COLEC12: variants seen among roughly 807,000 people sequenced by gnomAD.
COLEC12 encodes the protein collectin-12.
COLEC12 carries 33 observed loss-of-function variants against 71.1 expected under a neutral mutation model. The observed-to-expected ratio is 0.46, with a 90% confidence interval of 0.35 to 0.62. COLEC12 has a LOEUF of 0.62. COLEC12 is among the 20% of genes least tolerant of loss of function. The pLI is 0.00. For synonymous variants in COLEC12, 350 were observed against 353.0 expected (o/e 0.99, Z 0.10); for missense variants, 765 against 916.1 (o/e 0.84, Z 2.13).
intron 2 of COLEC12, among the ~76,000 whole-genome samples, chr18:431,498 C>G (rs996702911): frequency 6.6e-6 from 1 of 152,164 alleles, no homozygotes; most frequent in African/African-American, 2.4e-5. Context: ...GAATGAATAA[C>G]CTATAGACTG....
At chr18:403,666 G>T (rs1915731147) in intron 2 of COLEC12, among the ~76,000 whole-genome samples, 1 of 152,322 alleles carries the variant, frequency 6.6e-6, no homozygotes, top group African/African-American at 2.4e-5. Flanking sequence ...AAATGGAATT[G>T]GTTATTAAAG....
chr18:330,390 T>G (rs1210919316), intron 8 of COLEC12, among the ~76,000 whole-genome samples: 1 of 151,990 alleles, frequency 6.6e-6, no homozygotes, highest in Non-Finnish European at 1.5e-5. Flanking sequence ...TGCCTAGTGC[T>G]CTCAGAAGGT....
At position 480,700 on chromosome 18, in the gene COLEC12, G is replaced by C; in HGVS notation, c.58+7C>G. 6.2e-7 allele frequency: 1 copy of C among 1,613,452 alleles called. No homozygotes were observed. The highest frequency in any genetic ancestry group is 8.5e-7 in the Non-Finnish European group (1 of 1,179,412). ...CTGAGAAGGAACACAGCTTTGTTAG[G>C]ACTCACCAAACCGCTTGTAACCGAA... On this transcript the variant is annotated splice_region_variant and intron_variant, in intron 2 of 9. Coordinates refer to ENST00000400256, the MANE Select transcript of COLEC12 (RefSeq NM_130386.3). The surrounding 1 kb of genome is among the most constrained non-coding windows in gnomAD (Gnocchi z 4.1).
At chr18:456,624 C>T (rs1916877645) in intron 2 of COLEC12, among the ~76,000 whole-genome samples, 1 of 152,240 alleles carries the variant, frequency 6.6e-6, no homozygotes, top group Non-Finnish European at 1.5e-5. Context: ...AATGCTCTTG[C>T]AGCTTACTGG....
At chr18:409,185 T>C (rs568045983) in intron 2 of COLEC12, among the ~76,000 whole-genome samples, 30 of 152,224 alleles carry the variant, frequency 2.0e-4, no homozygotes, top group African/African-American at 7.2e-4. Flanking sequence ...AACCAATGAG[T>C]TTTCACAACT....
intron 5 of COLEC12, among the ~76,000 whole-genome samples, chr18:337,754 G>A (rs964798685): frequency 6.6e-6 from 1 of 152,028 alleles, no homozygotes; most frequent in African/African-American, 2.4e-5. Flanking sequence ...CTCAGGTTCC[G>A]CCAGCACCTC....
intron 9 of COLEC12, 41 bp from the exon 10 acceptor site, chr18:320,105 A>T (rs757387194): frequency 4.1e-6 from 5 of 1,217,062 alleles, no homozygotes; most frequent in South Asian, 1.3e-5. Flanking sequence ...TTTTTCTTAA[A>T]TAATAAAGTT....
chr18:429,972 C>G (rs1916270577), intron 2 of COLEC12, among the ~76,000 whole-genome samples: 1 of 152,238 alleles, frequency 6.6e-6, no homozygotes, highest in Non-Finnish European at 1.5e-5. Context: ...GATAGCGACT[C>G]TGTTTTGCTC....
At chr18:456,567 G>C (rs1567913329) in intron 2 of COLEC12, among the ~76,000 whole-genome samples, 1 of 152,194 alleles carries the variant, frequency 6.6e-6, no homozygotes, top group East Asian at 1.9e-4. Context: ...CTTCACTAGA[G>C]CCTTCCCACA....
intron 2 of COLEC12, among the ~76,000 whole-genome samples, chr18:464,205 G>A (rs138412737): frequency 4.5e-4 from 68 of 152,248 alleles, no homozygotes; most frequent in Admixed American, 3.5e-3. Flanking sequence ...TGTTCCATGC[G>A]AGTCACTTTT....
At chr18:410,004 G>A (rs972127891) in intron 2 of COLEC12, among the ~76,000 whole-genome samples, 17 of 152,174 alleles carry the variant, frequency 1.1e-4, no homozygotes, top group Non-Finnish European at 2.5e-4. Flanking sequence ...TCTGGAACAA[G>A]TTACTTAATT....
At chr18:368,296 G>A (rs1025522828) in intron 2 of COLEC12, among the ~76,000 whole-genome samples, 6 of 152,236 alleles carry the variant, frequency 3.9e-5, no homozygotes, top group Non-Finnish European at 8.8e-5. Flanking sequence ...AAAATCACCA[G>A]GCACAGTGGC....
At chr18:446,078 C>T (rs918763897) in intron 2 of COLEC12, among the ~76,000 whole-genome samples, 5 of 152,182 alleles carry the variant, frequency 3.3e-5, no homozygotes, top group African/African-American at 1.2e-4. Flanking sequence ...CAAATACTGC[C>T]TTTTTTATGA....
intron 2 of COLEC12, among the ~76,000 whole-genome samples, chr18:379,605 T>C (rs2143556943): frequency 6.6e-6 from 1 of 152,108 alleles, no homozygotes; most frequent in African/African-American, 2.4e-5. Flanking sequence ...TTTATTCCAG[T>C]CAAAGCCCAA....
chr18:368,569 C>T (rs375182276), intron 2 of COLEC12, among the ~76,000 whole-genome samples: 4 of 150,742 alleles, frequency 2.7e-5, no homozygotes, highest in African/African-American at 9.8e-5. Context: ...CAGAGACTGT[C>T]AAAAACAAAA....
At chr18:431,779 T>G (rs1177182948) in intron 2 of COLEC12, among the ~76,000 whole-genome samples, 1 of 152,144 alleles carries the variant, frequency 6.6e-6, no homozygotes, top group Non-Finnish European at 1.5e-5. Flanking sequence ...CATAGTATGT[T>G]GGGAAAGCAG....
chr18:369,393 T>TTTTTA (rs1170456859), intron 2 of COLEC12, among the ~76,000 whole-genome samples: 12 of 142,870 alleles, frequency 8.4e-5, no homozygotes, highest in African/African-American at 3.2e-4. Flanking sequence ...ATCTTTTTTT[T>TTTTTA]TTTATTTTTT....
At chr18:353,887 C>T (rs562499761) in intron 3 of COLEC12, among the ~76,000 whole-genome samples, 3 of 152,306 alleles carry the variant, frequency 2.0e-5, no homozygotes, top group South Asian at 2.1e-4. Flanking sequence ...GATCCTAAAG[C>T]GCTCTCCAGT....
At position 482,251 on chromosome 18, in the gene COLEC12, T is replaced by C. The variant is rs1230312048; in HGVS notation, c.8-1494A>G. 2.0e-5 allele frequency among the ~76,000 whole-genome samples: 3 copies of C among 150,828 alleles called. No individual in the cohort carries two copies. In the East Asian group the frequency reaches 5.9e-4, roughly 30 times the overall value. On this transcript the variant is annotated intron_variant, in intron 1 of 9. Transcript: ENST00000400256. ...CTGCCTCAGCCTTCTGAGGCTGGGA[T>C]TACAGGCACCCGCCACTACCCTCCG...
Sources: allele counts gnomAD v4.1 joint callset (sites outside exome capture counted in the v4.1 genomes callset), GRCh38; gene constraint gnomAD v4.1.1; non-coding constraint Gnocchi (gnomAD v3.1); transcripts MANE v1.5; gene names NCBI Gene and HGNC (gene_info 2026-07-23, HGNC 2026-07-21).